Variants in OLFM3 observed in about 807,000 individuals in gnomAD.
The protein encoded by OLFM3 is noelin-3.
OLFM3 carries 20 observed loss-of-function variants against 48.6 expected under a neutral mutation model. That is an observed-to-expected ratio of 0.41 (90% CI 0.29 to 0.60). The LOEUF is 0.60. Among genes scored for constraint, OLFM3 ranks in the 20% least tolerant of loss-of-function variants. The pLI, the probability that OLFM3 is intolerant of heterozygous loss-of-function variation, is 0.28. For missense variants in OLFM3, 437 were observed against 544.3 expected, an observed-to-expected ratio of 0.80 and a Z score of 1.96; for synonymous variants, 222 against 198.1, an observed-to-expected ratio of 1.12 and a Z score of -1.01.
At chr1:101,893,539 G>T in intron 1 of OLFM3, 1 of 282,700 alleles carries the variant, frequency 3.5e-6, no homozygotes, top group South Asian at 4.9e-5. Context: ...CTGGAGCCAG[G>T]AGATATTATC....
chr1:101,872,752 T>C (rs1454929694), intron 1 of OLFM3, among the ~76,000 whole-genome samples: 1 of 151,982 alleles, frequency 6.6e-6, no homozygotes, highest in Admixed American at 6.6e-5. Context: ...ATCTAATTAC[T>C]ATATTTTAGT....
In OLFM3 at chr1:101,804,657, T is replaced by C; in HGVS notation, c.958A>G (p.Thr320Ala). The C allele has an allele frequency of 6.2e-7, 1 of 1,612,554 alleles. No homozygotes were observed. The highest frequency in any genetic ancestry group is 8.5e-7 in the Non-Finnish European group (1 of 1,179,112). ...YAGFHNVYPY[T>A]WGGFSDIDLM... Reference sequence around the variant, plus strand: ...TCGATGTCAGAGAATCCACCCCATGTGTAGGGGTAAACATTATGAAAACCA... The same window carrying C: ...TCGATGTCAGAGAATCCACCCCATGCGTAGGGGTAAACATTATGAAAACCA... Residue 320 changes from threonine (T) to alanine (A), a missense_variant, in exon 6 of 6, where the codon ACA becomes GCA. By Grantham distance (58) the Thr-to-Ala change is moderately conservative (BLOSUM62 0). Transcript: ENST00000370103. This position sits in a 1 kb window ranked among gnomAD's most constrained non-coding sequence, Gnocchi z 4.5.
intron 1 of OLFM3, among the ~76,000 whole-genome samples, chr1:101,954,351 G>C (rs776837140): frequency 1.3e-5 from 2 of 151,920 alleles, no homozygotes; most frequent in Non-Finnish European, 2.9e-5. Context: ...CTACCTATAA[G>C]TTTTATTTCA....
chr1:101,859,916 C>T (rs1656581247), intron 1 of OLFM3: 1 of 151,968 alleles, frequency 6.6e-6, no homozygotes, highest in African/African-American at 2.4e-5. Flanking sequence ...GTGGCCCCTG[C>T]CCAAGAAATT....
At chr1:101,921,200 TAC>T (rs142071103) in intron 1 of OLFM3, among the ~76,000 whole-genome samples, 70,558 of 147,934 alleles carry the variant, frequency 0.48, 17,168 homozygotes, top group Middle Eastern at 0.68. Context: ...TTTAAGTTTA[TAC>T]ACACACACAC....
chr1:101,979,069 A>T, intron 1 of OLFM3, among the ~76,000 whole-genome samples: 1 of 152,176 alleles, frequency 6.6e-6, no homozygotes, highest in Admixed American at 6.5e-5. Flanking sequence ...ACAAAAGTGA[A>T]CCCTATTCTT....
chr1:101,855,526 G>A (rs1656379562), intron 1 of OLFM3, among the ~76,000 whole-genome samples: 2 of 152,058 alleles, frequency 1.3e-5, no homozygotes, highest in South Asian at 4.1e-4. Flanking sequence ...TTAGAATTAT[G>A]TGGGTGAAGC....
At chr1:101,959,504 C>T (rs1660404866) in intron 1 of OLFM3, among the ~76,000 whole-genome samples, 1 of 152,032 alleles carries the variant, frequency 6.6e-6, no homozygotes, top group Non-Finnish European at 1.5e-5. Context: ...ATGCACTGTG[C>T]TCGGCTTAAA....
chr1:101,967,555 C>T (rs923029387), intron 1 of OLFM3, among the ~76,000 whole-genome samples: 1 of 121,388 alleles, frequency 8.2e-6, no homozygotes, highest in Non-Finnish European at 1.6e-5. Context: ...GGTGACTGCT[C>T]GAGGTCCTGC....
intron 1 of OLFM3, among the ~76,000 whole-genome samples, chr1:101,879,677 T>C (rs1370295571): frequency 1.3e-5 from 2 of 151,860 alleles, no homozygotes; most frequent in African/African-American, 4.8e-5. Context: ...GAATGCCATT[T>C]TGGTAAATGT....
chr1:101,852,630 C>T (rs1656267927), intron 1 of OLFM3, among the ~76,000 whole-genome samples: 1 of 152,052 alleles, frequency 6.6e-6, no homozygotes, highest in Non-Finnish European at 1.5e-5. Flanking sequence ...GTTTAACAGA[C>T]ATCTTAAATT....
intron 1 of OLFM3, among the ~76,000 whole-genome samples, chr1:101,913,485 G>A (rs948417938): frequency 2.0e-5 from 3 of 152,056 alleles, no homozygotes; most frequent in South Asian, 2.1e-4. Context: ...GAGTGGGAAC[G>A]TTCTGCCATT....
chr1:101,977,363 C>G (rs1660984056), intron 1 of OLFM3, among the ~76,000 whole-genome samples: 1 of 152,086 alleles, frequency 6.6e-6, no homozygotes, highest in Non-Finnish European at 1.5e-5. Context: ...TTGTATTTCT[C>G]TTTTCCTTCA....
chr1:101,925,291 G>A (rs1232907751), intron 1 of OLFM3, among the ~76,000 whole-genome samples: 2 of 151,914 alleles, frequency 1.3e-5, no homozygotes, highest in East Asian at 3.9e-4. Context: ...TTCCTTGTAG[G>A]AAATGGAAAG....
At chr1:101,991,016 A>AATATATATATATATATATAT (rs1215588189) in intron 1 of OLFM3, among the ~76,000 whole-genome samples, 1 of 32,220 alleles carries the variant, frequency 3.1e-5, no homozygotes, top group African/African-American at 1.7e-4. Context: ...AAAAAAAAAA[A>AATATATATATATATATATAT]ATATATATAT....
chr1:101,956,880 T>C (rs764802261), intron 1 of OLFM3, among the ~76,000 whole-genome samples: 1 of 151,910 alleles, frequency 6.6e-6, no homozygotes, highest in Non-Finnish European at 1.5e-5. Context: ...TGTCCATATA[T>C]TATGACATGA....
chr1:101,947,477 G>T (rs953961438), intron 1 of OLFM3, among the ~76,000 whole-genome samples: 1 of 152,128 alleles, frequency 6.6e-6, no homozygotes, highest in African/African-American at 2.4e-5. Flanking sequence ...AAATAAAATT[G>T]TTTCTAGTTT....
rs1281517678 is a variant in OLFM3, at chr1:101,806,126, G to A, written c.649C>T (p.Arg217Ter). The A allele has an allele frequency of 1.9e-6, 3 of 1,612,044 alleles. No homozygotes were observed. The highest frequency in any genetic ancestry group is 2.5e-6 in the Non-Finnish European group (3 of 1,178,668). The change falls in exon 5 of 6, where the codon CGA (arginine) becomes TGA (stop). Residue 217 changes from arginine to a stop codon, truncating the protein, a stop_gained. Coordinates refer to ENST00000370103, the MANE Select transcript of OLFM3 (RefSeq NM_058170.4). LOFTEE classifies it high-confidence loss of function. ...GPVTVKTSGT[R>*]FGAWMTDPLA... ...GGGTCTGTCATCCAAGCACCAAATC[G>A]GGTTCCAGATGTCTTGACTGTAACT...
chr1:101,978,896 T>C (rs1331901676), intron 1 of OLFM3, among the ~76,000 whole-genome samples: 1 of 152,202 alleles, frequency 6.6e-6, no homozygotes, highest in Non-Finnish European at 1.5e-5. Flanking sequence ...GTTGGATAAT[T>C]AGACATTGTA....
Sources: allele counts gnomAD v4.1 joint callset (sites outside exome capture counted in the v4.1 genomes callset), GRCh38; gene constraint gnomAD v4.1.1; non-coding constraint Gnocchi (gnomAD v3.1); transcripts MANE v1.5; gene names NCBI Gene and HGNC (gene_info 2026-07-23, HGNC 2026-07-21).